Variants in MAGI1 observed in about 807,000 individuals in gnomAD.
MAGI1 encodes membrane-associated guanylate kinase, WW and PDZ domain-containing protein 1.
A neutral mutation model predicts 139.9 loss-of-function variants in MAGI1; 58 were observed. That is an observed-to-expected ratio of 0.41 (90% CI 0.34 to 0.52). The LOEUF is 0.52. Ranked by LOEUF, MAGI1 falls within the 20% of genes least tolerant of loss-of-function variation. MAGI1 has a pLI of 0.12. For synonymous variants in MAGI1, 812 were observed against 737.9 expected (o/e 1.10, Z -1.63); for missense variants, 1,874 against 1,901.6 (o/e 0.99, Z 0.27).
chr3:65,722,668 C>T (rs936541462), intron 1 of MAGI1, among the ~76,000 whole-genome samples: 14 of 150,272 alleles, frequency 9.3e-5, no homozygotes, highest in African/African-American at 3.5e-4. Context: ...CATCTTCTTT[C>T]TACATGGTTG....
intron 1 of MAGI1, among the ~76,000 whole-genome samples, chr3:65,751,198 G>T (rs1252987708): frequency 6.6e-6 from 1 of 152,170 alleles, no homozygotes; most frequent in Non-Finnish European, 1.5e-5. Flanking sequence ...GAAAGGTATC[G>T]ATCCCATTTC....
At chr3:65,942,735 C>T (rs531268913) in intron 1 of MAGI1, among the ~76,000 whole-genome samples, 13 of 152,198 alleles carry the variant, frequency 8.5e-5, no homozygotes, top group African/African-American at 2.4e-4. Context: ...TTGTAAAATG[C>T]GACCAGGTGC....
rs1169572334 is a variant in MAGI1, at chr3:65,375,689, A to G, written c.3196+56T>C. 7 of 1,360,018 alleles carry G rather than the reference A, an allele frequency of 5.1e-6. No homozygotes were observed. In the East Asian group the frequency reaches 1.4e-4, roughly 27 times the overall value. The allele number at this position is 1,360,018 out of a possible 1,614,324, so 84.2% of individuals were successfully genotyped here. On this transcript the variant is annotated intron_variant, in intron 18 of 22. Coordinates refer to ENST00000402939, the MANE Select transcript of MAGI1 (RefSeq NM_001033057.2). The stretch of plus-strand genomic sequence containing the variant: ...AGAGAGAAAGAGAAAAGGAAAAGAC[A>G]GAGACAGAGAGAGAGAAAAAGAGAG...
chr3:65,734,092 T>A (rs1055108338), intron 1 of MAGI1, among the ~76,000 whole-genome samples: 3 of 152,208 alleles, frequency 2.0e-5, no homozygotes, highest in African/African-American at 7.2e-5. Flanking sequence ...ATTTTTCCCA[T>A]GGCTGACAGG....
chr3:65,674,003 C>T (rs1320742692), intron 1 of MAGI1, among the ~76,000 whole-genome samples: 1 of 152,158 alleles, frequency 6.6e-6, no homozygotes, highest in East Asian at 1.9e-4. Context: ...ACTCCGGAGG[C>T]TGAGGTTGGA....
rs1560047139 is a variant in MAGI1 at position 65,951,015 on chromosome 3, GGAAGGAAGGAAGGAAGGAAGGAAA to G, written c.313+86957_313+86980del. On this transcript the variant is annotated intron_variant, in intron 1 of 22. Transcript: ENST00000402939. The stretch of plus-strand genomic sequence containing the variant: ...AGGAAGGAAGGAAGGAAGGAAGGAA[GGAAGGAAGGAAGGAAGGAAGGAAA>G]GGAGGGAGGGAGGGAGGAAGGTGGG... Among the ~76,000 whole-genome samples, 114 of 122,148 alleles carry G rather than the reference GGAAGGAAGGAAGGAAGGAAGGAAA, an allele frequency of 9.3e-4. 1 individual carries two copies. The highest frequency in any genetic ancestry group is 1.5e-3 in the South Asian group (5 of 3,314). The allele number at this position is 122,148 out of a possible 152,430, so 80.1% of individuals were successfully genotyped here.
chr3:65,425,970 T>G (rs1365213345), intron 12 of MAGI1, among the ~76,000 whole-genome samples: 1 of 152,176 alleles, frequency 6.6e-6, no homozygotes, highest in African/African-American at 2.4e-5. Context: ...AGATGCACAC[T>G]GATGTCAGGT....
chr3:65,902,627 T>C (rs188555674), intron 1 of MAGI1: 2 of 152,834 alleles, frequency 1.3e-5, no homozygotes, highest in Admixed American at 6.5e-5. Flanking sequence ...CTCCCACTTA[T>C]TCCAATTTGC....
Position 65,354,568 on chromosome 3 carries a change from A to G in MAGI1, c.*1810T>C, listed in dbSNP as rs1305567459. The G allele has an allele frequency of 3.3e-5, 5 of 152,776 alleles. No individual in the cohort carries two copies. The highest frequency in any genetic ancestry group is 7.3e-5 in the Non-Finnish European group (5 of 68,028). 9.5% of individuals were successfully genotyped at this position (152,776 alleles called of 1,614,324 possible). ...AACAGAGAATGCAAACAAGTGCTTAATAATTCACAAGCAGGCTCACCATGG... is the reference window on the plus strand; with the variant it reads ...AACAGAGAATGCAAACAAGTGCTTAGTAATTCACAAGCAGGCTCACCATGG... On this transcript the variant is annotated 3_prime_UTR_variant, in exon 23 of 23. Coordinates refer to ENST00000402939, the MANE Select transcript of MAGI1 (RefSeq NM_001033057.2).
At chr3:65,635,519 G>A (rs2084560850) in intron 1 of MAGI1, among the ~76,000 whole-genome samples, 3 of 152,318 alleles carry the variant, frequency 2.0e-5, no homozygotes, top group East Asian at 1.9e-4. Context: ...AAGAAACCAA[G>A]AGAGTGACAT....
chr3:65,407,572 G>A (rs1454014976), intron 12 of MAGI1, among the ~76,000 whole-genome samples: 11 of 152,180 alleles, frequency 7.2e-5, no homozygotes, highest in Non-Finnish European at 1.2e-4. Flanking sequence ...AGAATATTCA[G>A]TGATTGGGGG....
intron 1 of MAGI1, among the ~76,000 whole-genome samples, chr3:65,826,483 G>C (rs1300866317): frequency 6.6e-6 from 1 of 152,094 alleles, no homozygotes; most frequent in Non-Finnish European, 1.5e-5. Context: ...CTGCCTCTGG[G>C]CTAATTAAGT....
In MAGI1 at chr3:65,502,638, T is replaced by C. The variant is rs1047375799; in HGVS notation, c.431-9007A>G. 3.3e-5 allele frequency among the ~76,000 whole-genome samples: 5 copies of C among 152,326 alleles called. No homozygotes were observed. In the East Asian group the frequency reaches 7.7e-4, roughly 23 times the overall value. On this transcript the variant is annotated intron_variant, in intron 2 of 22. Coordinates refer to ENST00000402939, the MANE Select transcript of MAGI1 (RefSeq NM_001033057.2). ...TTCAGACAGCTGCCTTTTTGCTGTA[T>C]CTTCACATGGCAGGAAATGAAAGCC...
intron 1 of MAGI1, among the ~76,000 whole-genome samples, chr3:65,881,179 G>T (rs1268630434): frequency 2.6e-5 from 4 of 152,006 alleles, no homozygotes; most frequent in African/African-American, 9.7e-5. Context: ...AGCCACTCTG[G>T]CATCTGATTT....
rs76688558 is a variant in MAGI1 at position 65,918,001 on chromosome 3, G to C, written c.313+119995C>G. Among the ~76,000 whole-genome samples the C allele has an allele frequency of 7.8e-4, 119 of 152,282 alleles. 3 individuals are homozygous for C. In the East Asian group the frequency reaches 0.022, roughly 29 times the overall value. ...CACCTTGGTGGGGGACGTTGATAAT[G>C]GGGGAGGCTGTGCACAGGCTGGAAG... is the stretch of plus-strand genomic sequence containing the variant. On this transcript the variant is annotated intron_variant, in intron 1 of 22. Transcript: ENST00000402939.
chr3:65,490,924 G>A (rs1375253829), intron 3 of MAGI1, among the ~76,000 whole-genome samples: 1 of 151,208 alleles, frequency 6.6e-6, no homozygotes, highest in Non-Finnish European at 1.5e-5. Context: ...ATAGGCCAAA[G>A]GCTGAAGAAC....
chr3:65,420,405 C>T (rs1265095920), intron 12 of MAGI1, among the ~76,000 whole-genome samples: 1 of 152,178 alleles, frequency 6.6e-6, no homozygotes, highest in Non-Finnish European at 1.5e-5. Context: ...AGGCCTGCCA[C>T]ACCTGTTCAC....
chr3:65,393,895 C>T (rs952338466), intron 13 of MAGI1, among the ~76,000 whole-genome samples: 3 of 152,162 alleles, frequency 2.0e-5, no homozygotes, highest in African/African-American at 7.2e-5. Flanking sequence ...GCCATTACCT[C>T]CTGAAGCCTA....
At chr3:65,614,895 G>T (rs550368043) in intron 2 of MAGI1, among the ~76,000 whole-genome samples, 17 of 152,080 alleles carry the variant, frequency 1.1e-4, no homozygotes, top group African/African-American at 3.4e-4. Flanking sequence ...GGTGGCATGT[G>T]TCTGTAGTCC....
Sources: gnomAD v4.1 joint callset for allele counts (sites outside exome capture counted in the v4.1 genomes callset) on GRCh38, gnomAD v4.1.1 for gene constraint, MANE v1.5 for transcripts, NCBI Gene and HGNC (gene_info 2026-07-23, HGNC 2026-07-21) for gene names.